Variants in GRK5 observed in about 807,000 individuals in gnomAD.
GRK5 encodes g protein-coupled receptor kinase GRK5.
In GRK5, 40 loss-of-function variants were observed where a neutral mutation model predicts 78.4. The observed-to-expected ratio is 0.51, with a 90% CI of 0.40 to 0.66. The LOEUF is 0.66. Among genes scored for constraint, GRK5 ranks in the 30% least tolerant of loss-of-function variants. GRK5 has a pLI of 0.00. For missense variants in GRK5, 598 were observed against 759.9 expected, an observed-to-expected ratio of 0.79 and a Z score of 2.50; for synonymous variants, 289 against 296.8, an observed-to-expected ratio of 0.97 and a Z score of 0.27.
intron 1 of GRK5, among the ~76,000 whole-genome samples, chr10:119,281,987 G>C (rs1043639684): frequency 6.6e-6 from 1 of 152,136 alleles, no homozygotes; most frequent in African/African-American, 2.4e-5. Context: ...TGCCATTGGT[G>C]ACCTCCCTCC....
intron 1 of GRK5, among the ~76,000 whole-genome samples, chr10:119,301,743 A>G (rs1248623954): frequency 6.6e-6 from 1 of 152,172 alleles, no homozygotes; most frequent in African/African-American, 2.4e-5. Flanking sequence ...AATTCCTGGA[A>G]GTGCTCTTTT....
chr10:119,356,310 C>T (rs1851261729), intron 2 of GRK5, among the ~76,000 whole-genome samples: 1 of 152,208 alleles, frequency 6.6e-6, no homozygotes, highest in Admixed American at 6.5e-5. Flanking sequence ...AGTTCATTTG[C>T]TTAGACCTTC....
chr10:119,344,094 G>T (rs1173107461), intron 2 of GRK5, among the ~76,000 whole-genome samples: 2 of 151,538 alleles, frequency 1.3e-5, no homozygotes, highest in Non-Finnish European at 2.9e-5. Context: ...TTTTTTGGCG[G>T]GGGGTAACAG....
chr10:119,427,688 G>C (rs1271802276), intron 6 of GRK5, among the ~76,000 whole-genome samples: 3 of 120,396 alleles, frequency 2.5e-5, no homozygotes, highest in African/African-American at 4.3e-5. Context: ...CAATATCCCA[G>C]TGCCATCAAC....
chr10:119,214,981 AG>A (rs1848547282), intron 1 of GRK5, among the ~76,000 whole-genome samples: 2 of 152,234 alleles, frequency 1.3e-5, no homozygotes, highest in Non-Finnish European at 2.9e-5. Flanking sequence ...CTGGGCGGGT[AG>A]ACGGGCTGCA....
At chr10:119,435,302 T>C (rs185562711) in intron 8 of GRK5, among the ~76,000 whole-genome samples, 59 of 152,300 alleles carry the variant, frequency 3.9e-4, no homozygotes, top group African/African-American at 1.4e-3. Flanking sequence ...CCTCAGAAAA[T>C]GGGATTTTCT....
intron 1 of GRK5, among the ~76,000 whole-genome samples, chr10:119,325,647 C>G (rs1158395899): frequency 6.6e-6 from 1 of 152,180 alleles, no homozygotes; most frequent in Non-Finnish European, 1.5e-5. Context: ...CATGGCACAG[C>G]AGTGCCTTCA....
intron 6 of GRK5, among the ~76,000 whole-genome samples, chr10:119,428,526 G>C (rs1207840337): frequency 6.6e-6 from 1 of 152,170 alleles, no homozygotes; most frequent in African/African-American, 2.4e-5. Context: ...CAGAGGAGTT[G>C]GAGCAGCCTT....
At chr10:119,414,859 A>C (rs1852414402) in intron 4 of GRK5, among the ~76,000 whole-genome samples, 1 of 152,130 alleles carries the variant, frequency 6.6e-6, no homozygotes, top group Admixed American at 6.5e-5. Flanking sequence ...AGGCAGGTGG[A>C]TCACTTGAGG....
chr10:119,371,443 G>C (rs968821092), intron 2 of GRK5, among the ~76,000 whole-genome samples: 9 of 152,212 alleles, frequency 5.9e-5, no homozygotes, highest in Non-Finnish European at 1.2e-4. Flanking sequence ...AATGAAAACA[G>C]TGACAGCATT....
chr10:119,448,484 CTT>C (rs1449872284), intron 13 of GRK5, among the ~76,000 whole-genome samples: 7 of 152,230 alleles, frequency 4.6e-5, no homozygotes, highest in Non-Finnish European at 2.9e-5. Flanking sequence ...TGTCCAGAGA[CTT>C]GGGCACTTTC....
intron 1 of GRK5, among the ~76,000 whole-genome samples, chr10:119,326,300 G>GACTA (rs1850677261): frequency 2.0e-5 from 3 of 152,358 alleles, no homozygotes; most frequent in East Asian, 3.9e-4. Flanking sequence ...TAGGGGGCCG[G>GACTA]GGTCAGGCAG....
chr10:119,323,878 A>G (rs1850628838), intron 1 of GRK5, among the ~76,000 whole-genome samples: 3 of 151,828 alleles, frequency 2.0e-5, no homozygotes, highest in Admixed American at 6.6e-5. Context: ...CCCTGAGTCC[A>G]TTATATCATT....
At chr10:119,393,996 T>G (rs1031168375) in intron 3 of GRK5, among the ~76,000 whole-genome samples, 14 of 148,674 alleles carry the variant, frequency 9.4e-5, no homozygotes, top group African/African-American at 3.5e-4. Flanking sequence ...TGTGTGTGTG[T>G]GTCTGGGTCT....
chr10:119,331,157 G>C (rs1850770822), intron 2 of GRK5, among the ~76,000 whole-genome samples: 1 of 152,222 alleles, frequency 6.6e-6, no homozygotes, highest in African/African-American at 2.4e-5. Context: ...CCCCAGCCCT[G>C]TCTGTCCTTC....
At chr10:119,224,308 G>A (rs1216447681) in intron 1 of GRK5, among the ~76,000 whole-genome samples, 1 of 152,198 alleles carries the variant, frequency 6.6e-6, no homozygotes, top group Non-Finnish European at 1.5e-5. Context: ...GAATGATGTT[G>A]TTGCTAACAT....
intron 1 of GRK5, among the ~76,000 whole-genome samples, chr10:119,306,637 T>G (rs1043543505): frequency 4.6e-5 from 7 of 152,140 alleles, no homozygotes; most frequent in Admixed American, 6.5e-5. Context: ...GTGTCCCTAG[T>G]CAAGATTTGT....
chr10:119,428,823 T>C (rs933049), intron 6 of GRK5, among the ~76,000 whole-genome samples: 151,892 of 152,362 alleles, frequency 1, 75,714 homozygotes, highest in Middle Eastern at 1. Context: ...AGATCCTGCC[T>C]GGTTGGTGCT....
At position 119,448,174 on chromosome 10, in the gene GRK5, G is replaced by A. The variant is rs772770711; in HGVS notation, c.1318G>A (p.Ala440Thr). 6 of 1,581,978 alleles carry A rather than the reference G, an allele frequency of 3.8e-6. No homozygotes were observed. The highest frequency in any genetic ancestry group is 5.1e-6 in the Non-Finnish European group (6 of 1,167,768). ...QRLGCQEEGAAEVKRHPFFRN... is the reference protein window; with the variant it reads ...QRLGCQEEGATEVKRHPFFRN... The stretch of plus-strand genomic sequence containing the variant: ...GCTGGGCTGCCAGGAGGAGGGGGCT[G>A]CAGAGGTCAAGAGACACCCCTTCTT... The change falls in exon 13 of 16, where the codon GCA becomes ACA. Residue 440 changes from alanine to threonine, a missense_variant. Coordinates refer to ENST00000392870, the MANE Select transcript of GRK5 (RefSeq NM_005308.3).
Sources: allele counts gnomAD v4.1 joint callset (sites outside exome capture counted in the v4.1 genomes callset), GRCh38; gene constraint gnomAD v4.1.1; transcripts MANE v1.5; gene names NCBI Gene and HGNC (gene_info 2026-07-23, HGNC 2026-07-21).